TGFBR3: variants seen among roughly 807,000 people sequenced by gnomAD.
The protein encoded by TGFBR3 is transforming growth factor beta receptor 3.
Under a neutral mutation model 87.9 loss-of-function variants are expected in TGFBR3, and 46 were observed. The observed-to-expected ratio is 0.52, with a 90% CI of 0.41 to 0.67. The LOEUF (loss-of-function observed/expected upper bound fraction) is 0.67, where lower values mean the gene tolerates loss of function less well. Among genes scored for constraint, TGFBR3 ranks in the 30% least tolerant of loss-of-function variants. TGFBR3 has a pLI of 0.00. For synonymous variants in TGFBR3, 381 were observed against 391.6 expected, an observed-to-expected ratio of 0.97 and a Z score of 0.32; for missense variants, 866 against 1,041.9, an observed-to-expected ratio of 0.83 and a Z score of 2.32.
intron 3 of TGFBR3, among the ~76,000 whole-genome samples, chr1:91,769,644 T>G (rs1015502672): frequency 4.6e-5 from 7 of 151,968 alleles, no homozygotes; most frequent in Non-Finnish European, 1.0e-4. Flanking sequence ...TTGTTTTTTT[T>G]GTTTTTTTTT....
chr1:91,797,432 C>G lies in TGFBR3; in HGVS notation c.101G>C (p.Ser34Thr). 6.2e-7 allele frequency: 1 copy of G among 1,614,244 alleles called. No homozygotes were observed. The highest frequency in any genetic ancestry group is 8.5e-7 in the Non-Finnish European group (1 of 1,180,050). Reference sequence around the variant, plus strand: ...CAAGGCCTGGACAGGATGGGAGGCACTGACAGGTGACAGTTCACACAGTGC... The same window carrying G: ...CAAGGCCTGGACAGGATGGGAGGCAGTGACAGGTGACAGTTCACACAGTGC... ...PGALCELSPV[S>T]ASHPVQALME... The change falls in exon 3 of 17, where the codon AGT becomes ACT. Residue 34 changes from serine to threonine, a missense_variant. By Grantham distance (58) the Ser-to-Thr change is moderately conservative. Coordinates refer to ENST00000212355, the MANE Select transcript of TGFBR3 (RefSeq NM_003243.5).
At chr1:91,886,879 G>A (rs534651702), upstream of TGFBR3, among the ~76,000 whole-genome samples, 1 of 152,216 alleles carries the variant, frequency 6.6e-6, no homozygotes, top group South Asian at 2.1e-4. Context: ...CGATATGAAC[G>A]ACAGTCTCGG....
chr1:91,789,283 G>C (rs1457395882), intron 3 of TGFBR3, among the ~76,000 whole-genome samples: 1 of 152,218 alleles, frequency 6.6e-6, no homozygotes. Context: ...CTCCAGCCTA[G>C]GCGACAGAGT....
chr1:91,874,186 C>T (rs188780995), intron 1 of TGFBR3, among the ~76,000 whole-genome samples: 7 of 152,220 alleles, frequency 4.6e-5, no homozygotes, highest in Admixed American at 3.9e-4. Flanking sequence ...AAGGGAGAGA[C>T]AAAGTATGTG....
At chr1:91,718,638 T>C (rs978817418) in intron 10 of TGFBR3, among the ~76,000 whole-genome samples, 3 of 152,220 alleles carry the variant, frequency 2.0e-5, no homozygotes, top group African/African-American at 4.8e-5. Context: ...CCCAAGAGAA[T>C]GGGTTTAATC....
rs367931357 is a variant in TGFBR3 at position 91,819,903 on chromosome 1, A to G, written c.62-22432T>C. On this transcript the variant is annotated intron_variant, in intron 2 of 16. Transcript: ENST00000212355. ...AAAGAAAAAACAAACTGATCATCAG[A>G]TGAGGGTTCAAATCTTGAACTGGCT... Among the ~76,000 whole-genome samples the G allele has an allele frequency of 3.7e-4, 57 of 152,370 alleles. 1 individual carries two copies. In the South Asian group the frequency reaches 0.012, roughly 32 times the overall value.
intron 13 of TGFBR3, 99 bp from the exon 14 acceptor site, chr1:91,708,882 C>T: frequency 6.6e-7 from 1 of 1,517,342 alleles, no homozygotes; most frequent in Non-Finnish European, 9.0e-7. Flanking sequence ...TATCAGACAG[C>T]ACACAGCTGT....
intron 3 of TGFBR3, among the ~76,000 whole-genome samples, chr1:91,781,633 A>T (rs931430861): frequency 6.6e-6 from 1 of 152,204 alleles, no homozygotes; most frequent in Non-Finnish European, 1.5e-5. Flanking sequence ...CAAGCCAGAG[A>T]AAGTGTTTAG....
intron 1 of TGFBR3, among the ~76,000 whole-genome samples, chr1:91,879,124 C>T (rs1295868274): frequency 6.6e-6 from 1 of 151,824 alleles, no homozygotes; most frequent in Non-Finnish European, 1.5e-5. Flanking sequence ...CAAAAATTAG[C>T]CAGATGTGGT....
intron 3 of TGFBR3, among the ~76,000 whole-genome samples, chr1:91,792,208 T>A (rs1675220532): frequency 6.6e-6 from 1 of 152,184 alleles, no homozygotes; most frequent in Non-Finnish European, 1.5e-5. Context: ...ACCCTTCTTT[T>A]TCCCTTGGTC....
At chr1:91,829,276 T>A (rs1374816093) in intron 2 of TGFBR3, among the ~76,000 whole-genome samples, 1 of 151,888 alleles carries the variant, frequency 6.6e-6, no homozygotes, top group African/African-American at 2.4e-5. Context: ...CTCATAAGGC[T>A]GAGGCACAAG....
chr1:91,723,265 T>C (rs950457582), intron 7 of TGFBR3, among the ~76,000 whole-genome samples: 2 of 152,006 alleles, frequency 1.3e-5, no homozygotes, highest in Non-Finnish European at 2.9e-5. Context: ...AAGGACTGCT[T>C]GAGCCCAAGA....
At chr1:91,897,572 G>A (rs1377711444) in intron 2 of TGFBR3, among the ~76,000 whole-genome samples, 1 of 152,136 alleles carries the variant, frequency 6.6e-6, no homozygotes, top group Non-Finnish European at 1.5e-5. Flanking sequence ...GGTCAAATGA[G>A]GGTCCCTCTG....
At chr1:91,710,873 T>C (rs1162762023) in intron 13 of TGFBR3, among the ~76,000 whole-genome samples, 1 of 152,130 alleles carries the variant, frequency 6.6e-6, no homozygotes, top group Non-Finnish European at 1.5e-5. Context: ...AAGGGCGACT[T>C]GAGGTTTAGG....
At chr1:91,802,415 C>G (rs1233880043) in intron 2 of TGFBR3, among the ~76,000 whole-genome samples, 1 of 151,438 alleles carries the variant, frequency 6.6e-6, no homozygotes, top group East Asian at 1.9e-4. Context: ...GGCGAGAGGG[C>G]AGTGACGCGC....
chr1:91,761,696 A>C (rs995274635), intron 3 of TGFBR3, among the ~76,000 whole-genome samples: 2 of 152,120 alleles, frequency 1.3e-5, no homozygotes, highest in African/African-American at 4.8e-5. Context: ...AGAAATGTAG[A>C]GAGAACACAC....
chr1:91,778,106 G>C (rs1014421811), intron 3 of TGFBR3, among the ~76,000 whole-genome samples: 54 of 150,842 alleles, frequency 3.6e-4, no homozygotes, highest in African/African-American at 1.2e-3. Flanking sequence ...ATTTTCCCAA[G>C]TATTCAGAGA....
At chr1:91,885,082 T>C in intron 1 of TGFBR3, among the ~76,000 whole-genome samples, 1 of 152,244 alleles carries the variant, frequency 6.6e-6, no homozygotes, top group African/African-American at 2.4e-5. Context: ...TCACAGCAAC[T>C]TTACGGGGCA....
rs1398797516 is a variant in TGFBR3, at chr1:91,681,858, C to T, written c.*1881G>A. ...AGGCAAAGCGCAATATTTTCAAACACAGGTAGCGTAATCTAGGTCCTCCAC... is the reference window on the plus strand; with the variant it reads ...AGGCAAAGCGCAATATTTTCAAACATAGGTAGCGTAATCTAGGTCCTCCAC... On this transcript the variant is annotated 3_prime_UTR_variant, in exon 17 of 17. Coordinates refer to ENST00000212355, the MANE Select transcript of TGFBR3 (RefSeq NM_003243.5). 4.4e-6 allele frequency: 2 copies of T among 453,274 alleles called. No homozygotes were observed. The highest frequency in any genetic ancestry group is 4.4e-6 in the Non-Finnish European group (1 of 226,630). The allele number at this position is 453,274 out of a possible 1,614,324, so 28.1% of individuals were successfully genotyped here.
Sources: allele counts gnomAD v4.1 joint callset (sites outside exome capture counted in the v4.1 genomes callset), GRCh38; gene constraint gnomAD v4.1.1; transcripts MANE v1.5; gene names NCBI Gene and HGNC (gene_info 2026-07-23, HGNC 2026-07-21).